Variants in SYT9 observed in about 807,000 individuals in gnomAD.
The protein encoded by SYT9 is synaptotagmin 9.
SYT9 carries 22 observed loss-of-function variants against 48.4 expected under a neutral mutation model. That is an observed-to-expected ratio of 0.45 (90% CI 0.32 to 0.65). The LOEUF (loss-of-function observed/expected upper bound fraction) is 0.65, where lower values mean the gene tolerates loss of function less well. Ranked by LOEUF, SYT9 falls within the 30% of genes least tolerant of loss-of-function variation. The pLI is 0.03. For missense variants in SYT9, 577 were observed against 622.0 expected, an observed-to-expected ratio of 0.93 and a Z score of 0.77; for synonymous variants, 265 against 245.0, an observed-to-expected ratio of 1.08 and a Z score of -0.76.
At chr11:7,438,661 G>A (rs924606733) in intron 6 of SYT9, 1 of 152,176 alleles carries the variant, frequency 6.6e-6, no homozygotes, top group African/African-American at 2.4e-5. Context: ...TTTCACATTG[G>A]TGCAGGTAGG....
intron 1 of SYT9, among the ~76,000 whole-genome samples, chr11:7,260,561 C>G (rs556532417): frequency 6.6e-5 from 10 of 152,290 alleles, no homozygotes; most frequent in Non-Finnish European, 1.3e-4. Flanking sequence ...ACACAGAAAT[C>G]TTGAAAGAAG....
At chr11:7,419,227 G>A (rs1377189123) in intron 5 of SYT9, among the ~76,000 whole-genome samples, 1 of 152,218 alleles carries the variant, frequency 6.6e-6, no homozygotes, top group East Asian at 1.9e-4. Flanking sequence ...CTATTGCCAA[G>A]TTTCCTGCAT....
In SYT9 at chr11:7,352,632, T is replaced by G. The variant is rs1422630170; in HGVS notation, c.1044+38691T>G. Among the ~76,000 whole-genome samples the G allele has an allele frequency of 3.3e-5, 5 of 152,236 alleles. No homozygotes were observed. In the East Asian group the frequency reaches 9.6e-4, roughly 29 times the overall value. ...ACAGGTCTCTGATGACTGTGTAATT[T>G]ATGCCTAGCCCCGTGAAGAATAGTA... On this transcript the variant is annotated intron_variant, in intron 3 of 6. Coordinates refer to ENST00000318881, the MANE Select transcript of SYT9 (RefSeq NM_175733.4).
chr11:7,251,704 A>G (rs1847870044), upstream of SYT9, among the ~76,000 whole-genome samples: 1 of 151,942 alleles, frequency 6.6e-6, no homozygotes, highest in African/African-American at 2.4e-5. Context: ...CGGAGCGCGC[A>G]CTCACTCACA....
intron 3 of SYT9, among the ~76,000 whole-genome samples, chr11:7,396,179 C>A (rs890658023): frequency 4.6e-5 from 7 of 152,094 alleles, no homozygotes; most frequent in Non-Finnish European, 1.0e-4. Context: ...ATGATCACAA[C>A]ATAGACTATT....
At chr11:7,410,289 G>A (rs1847111791) in intron 3 of SYT9, among the ~76,000 whole-genome samples, 2 of 152,152 alleles carry the variant, frequency 1.3e-5, no homozygotes, top group African/African-American at 4.8e-5. Context: ...TGTTTCATCT[G>A]CTTAGAAGAA....
chr11:7,381,912 C>A (rs1021036406), intron 3 of SYT9, among the ~76,000 whole-genome samples: 6 of 152,134 alleles, frequency 3.9e-5, no homozygotes, highest in African/African-American at 1.2e-4. Context: ...GCCACTGGTA[C>A]TCCAGAAGCC....
At chr11:7,415,337 CTG>C (rs772440878) in intron 3 of SYT9, among the ~76,000 whole-genome samples, 1 of 152,144 alleles carries the variant, frequency 6.6e-6, no homozygotes, top group Non-Finnish European at 1.5e-5. Flanking sequence ...ATGCGATAGA[CTG>C]TAAGTTTCCA....
intron 1 of SYT9, among the ~76,000 whole-genome samples, chr11:7,276,171 T>C (rs1443847265): frequency 6.6e-6 from 1 of 152,162 alleles, no homozygotes; most frequent in Non-Finnish European, 1.5e-5. Context: ...TACTAGAAAC[T>C]TCTTTTACCA....
intron 3 of SYT9, among the ~76,000 whole-genome samples, chr11:7,356,970 G>A (rs1850033259): frequency 6.6e-6 from 1 of 152,104 alleles, no homozygotes; most frequent in Non-Finnish European, 1.5e-5. Flanking sequence ...ATAGTGAGAA[G>A]TAATGCAAGA....
intron 1 of SYT9, among the ~76,000 whole-genome samples, chr11:7,285,429 C>T (rs1030135952): frequency 1.3e-5 from 2 of 152,148 alleles, no homozygotes. Context: ...ATGGAGGTAA[C>T]TGCCCCATAA....
intron 1 of SYT9, among the ~76,000 whole-genome samples, chr11:7,255,210 T>G (rs1229904358): frequency 6.6e-6 from 1 of 152,176 alleles, no homozygotes; most frequent in Non-Finnish European, 1.5e-5. Context: ...AGACTAGCCT[T>G]TAAGGCAGAG....
chr11:7,393,977 A>C (rs1238171904), intron 3 of SYT9, among the ~76,000 whole-genome samples: 1 of 142,882 alleles, frequency 7.0e-6, no homozygotes, highest in African/African-American at 2.6e-5. Context: ...TTTTTTTAAT[A>C]TACTTTAAGT....
intron 6 of SYT9, among the ~76,000 whole-genome samples, chr11:7,447,902 T>C (rs1464994393): frequency 6.6e-6 from 1 of 152,220 alleles, no homozygotes; most frequent in East Asian, 1.9e-4. Context: ...GCTTCTCATT[T>C]GCTCAGCATG....
At chr11:7,342,126 A>T (rs960574418) in intron 3 of SYT9, among the ~76,000 whole-genome samples, 2 of 152,160 alleles carry the variant, frequency 1.3e-5, no homozygotes, top group Non-Finnish European at 2.9e-5. Flanking sequence ...TCAAGATGAG[A>T]TTTGAGAGGG....
chr11:7,386,426 A>G (rs1199579243), intron 3 of SYT9, among the ~76,000 whole-genome samples: 1 of 142,258 alleles, frequency 7.0e-6, no homozygotes, highest in East Asian at 2.1e-4. Context: ...TCCAGAATCT[A>G]CAATGAACTC....
At chr11:7,433,346 A>G (rs1221105276) in intron 6 of SYT9, among the ~76,000 whole-genome samples, 2 of 152,236 alleles carry the variant, frequency 1.3e-5, no homozygotes, top group African/African-American at 4.8e-5. Flanking sequence ...TAATACACCA[A>G]TCAAGAAAGT....
At chr11:7,402,826 T>C (rs1031367211) in intron 3 of SYT9, among the ~76,000 whole-genome samples, 4 of 152,204 alleles carry the variant, frequency 2.6e-5, no homozygotes, top group Non-Finnish European at 5.9e-5. Flanking sequence ...ACACATTGAA[T>C]GTAATTGTCA....
intron 3 of SYT9, among the ~76,000 whole-genome samples, chr11:7,408,645 T>G (rs1847072112): frequency 6.6e-6 from 1 of 152,230 alleles, no homozygotes; most frequent in African/African-American, 2.4e-5. Flanking sequence ...TCATTATCAG[T>G]ATATAGAAAT....
Sources: allele counts gnomAD v4.1 joint callset (sites outside exome capture counted in the v4.1 genomes callset), GRCh38; gene constraint gnomAD v4.1.1; transcripts MANE v1.5; gene names NCBI Gene and HGNC (gene_info 2026-07-23, HGNC 2026-07-21).